The following ABCA10 variants were observed in gnomAD, a reference collection of about 807,000 sequenced individuals.
ABCA10 encodes the protein ATP binding cassette subfamily A member 10.
Under a neutral mutation model 187.5 loss-of-function variants are expected in ABCA10, and 169 were observed. The observed-to-expected ratio is 0.90, with a 90% CI of 0.80 to 1.02. The LOEUF is 1.02. Among genes scored for constraint, ABCA10 ranks in the 50% least tolerant of loss-of-function variants. ABCA10 has a pLI of 0.00. For synonymous variants in ABCA10, 574 were observed against 601.8 expected (o/e 0.95, Z 0.68); for missense variants, 1,727 against 1,812.4 (o/e 0.95, Z 0.86).
chr17:69,155,396 T>A (rs1385160271), intron 29 of ABCA10, among the ~76,000 whole-genome samples: 2 of 152,230 alleles, frequency 1.3e-5, no homozygotes, highest in Non-Finnish European at 2.9e-5. Flanking sequence ...CTTTCAACAA[T>A]TTCATTCCCA....
chr17:69,197,150 TA>T (rs1363681763), intron 10 of ABCA10, 28 bp from the exon 11 acceptor site: 2 of 1,514,198 alleles, frequency 1.3e-6, no homozygotes, highest in Non-Finnish European at 1.8e-6. Flanking sequence ...AATTTTCATG[TA>T]AATGCATTTT....
chr17:69,182,598 T>A, intron 21 of ABCA10, 77 bp downstream of exon 21: 2 of 1,399,146 alleles, frequency 1.4e-6, no homozygotes, highest in Non-Finnish European at 1.9e-6. Context: ...TTAAGTTTCC[T>A]ATAGTTCTAA....
chr17:69,211,263 C>T (rs1261312155), intron 9 of ABCA10, among the ~76,000 whole-genome samples: 2 of 143,448 alleles, frequency 1.4e-5, no homozygotes, highest in Non-Finnish European at 3.0e-5. Context: ...TTTTTAATGG[C>T]TGAGTAGTAT....
chr17:69,201,931 TGCCACCAC>T (rs2074549658), intron 9 of ABCA10, among the ~76,000 whole-genome samples: 1 of 152,136 alleles, frequency 6.6e-6, no homozygotes, highest in Non-Finnish European at 1.5e-5. Flanking sequence ...TACAGGCACC[TGCCACCAC>T]GCCCGGCTAA....
At chr17:69,224,691 A>C (rs1464704452) in intron 3 of ABCA10, among the ~76,000 whole-genome samples, 1 of 131,898 alleles carries the variant, frequency 7.6e-6, no homozygotes, top group South Asian at 2.1e-4. Flanking sequence ...CTTATGGGAA[A>C]AAAAAAAAAA....
At position 69,185,476 on chromosome 17, in the gene ABCA10, C is replaced by T; in HGVS notation, c.2497+1G>A. ...CACTAAATTTCAGCCCCATTTCTCACCTGTATTATTAACGATTAACAGGCT... is the reference window on the plus strand; with the variant it reads ...CACTAAATTTCAGCCCCATTTCTCATCTGTATTATTAACGATTAACAGGCT... On this transcript the variant is annotated splice_donor_variant, in intron 20 of 38. Transcript: ENST00000690296. LOFTEE classifies it high-confidence loss of function. 6.2e-7 allele frequency: 1 copy of T among 1,610,264 alleles called. No individual in the cohort carries two copies. Among genetic ancestry groups the T allele is most frequent in the Admixed American group, 1.7e-5 (1 of 59,568 alleles).
At chr17:69,161,068 A>G (rs1005778896) in intron 27 of ABCA10, among the ~76,000 whole-genome samples, 1 of 152,222 alleles carries the variant, frequency 6.6e-6, no homozygotes, top group Non-Finnish European at 1.5e-5. Flanking sequence ...AATATTATTC[A>G]ACCTTAAAAA....
chr17:69,156,030 T>A (rs1223708900), intron 28 of ABCA10, 105 bp from the exon 29 acceptor site: 1 of 1,287,640 alleles, frequency 7.8e-7, no homozygotes, highest in Non-Finnish European at 1.0e-6. Context: ...AAAAAGACTA[T>A]CACATCATTA....
In ABCA10 at chr17:69,149,055, AGG is replaced by A; in HGVS notation, c.4509_4510del (p.Gln1506GlyfsTer12). 1 of 1,613,430 alleles carries A rather than the reference AGG, an allele frequency of 6.2e-7. No homozygotes were observed. Among genetic ancestry groups the A allele is most frequent in the South Asian group, 1.1e-5 (1 of 91,054 alleles). ...CACCTGCTCCAAGGTAGCCTGAGAG[AGG>A]CTGTATTCCTCCAGGTTGAAGGTCT... is the stretch of plus-strand genomic sequence containing the variant. On this transcript the variant is annotated frameshift_variant, in exon 38 of 39. Transcript: ENST00000690296. LOFTEE classifies it low-confidence loss of function (END_TRUNC).
rs781139717 is a variant in ABCA10 at position 69,193,658 on chromosome 17, AAGG to A, written c.1522-49_1522-47del. The A allele has an allele frequency of 7.7e-6, 12 of 1,561,774 alleles. No homozygotes were observed. The Admixed American group carries it at 1.6e-4, about 20-fold the overall frequency. On this transcript the variant is annotated intron_variant, in intron 13 of 38. Coordinates refer to ENST00000690296, the MANE Select transcript of ABCA10 (RefSeq NM_001377321.1). ...TTAACAATATCAAATATTTTACTTT[AAGG>A]AGTTTTTACTCTCTAAAAATGAAAA...
chr17:69,162,803 T>TTGCATATA (rs1334649798), intron 27 of ABCA10, among the ~76,000 whole-genome samples: 1,209 of 47,960 alleles, frequency 0.025, 15 homozygotes, highest in African/African-American at 0.091. Context: ...GTTGAAAAAA[T>TTGCATATA]TACATATATA....
At chr17:69,243,929 A>C (rs1052374971) in intron 1 of ABCA10, among the ~76,000 whole-genome samples, 2 of 152,134 alleles carry the variant, frequency 1.3e-5, no homozygotes, top group African/African-American at 2.4e-5. Flanking sequence ...TGATGCTTGA[A>C]ATTCTTGAGA....
At chr17:69,229,333 C>A (rs967213193), upstream of ABCA10, among the ~76,000 whole-genome samples, 33 of 151,920 alleles carry the variant, frequency 2.2e-4, no homozygotes, top group African/African-American at 8.0e-4. Flanking sequence ...ACTCCAAGAT[C>A]CCTCACTCTT....
Position 69,165,117 on chromosome 17 carries a change from C to T in ABCA10, c.3163-34G>A, listed in dbSNP as rs1598091138. 3.4e-6 allele frequency: 5 copies of T among 1,468,230 alleles called. No individual in the cohort carries two copies. In the East Asian group the frequency reaches 9.3e-5, roughly 27 times the overall value. 91.0% of individuals were successfully genotyped at this position (1,468,230 alleles called of 1,614,324 possible). ...AAATCCAGAAGTATTATAATTTTCT[C>T]AGTTATATTTGATATCTTAAGATAT... On this transcript the variant is annotated intron_variant, in intron 25 of 38. Transcript: ENST00000690296.
At chr17:69,187,288 C>T (rs1433863744) in intron 19 of ABCA10, among the ~76,000 whole-genome samples, 1 of 152,092 alleles carries the variant, frequency 6.6e-6, no homozygotes, top group African/African-American at 2.4e-5. Context: ...ACAAGGGATA[C>T]ATGAGGAGGC....
At chr17:69,201,123 C>T (rs1012197130) in intron 10 of ABCA10, among the ~76,000 whole-genome samples, 1 of 152,150 alleles carries the variant, frequency 6.6e-6, no homozygotes, top group Non-Finnish European at 1.5e-5. Context: ...AAATTTCAGT[C>T]CCTATACTCC....
intron 18 of ABCA10, 76 bp from the exon 19 acceptor site, chr17:69,187,955 T>G (rs1326967342): frequency 5.1e-6 from 7 of 1,375,954 alleles, no homozygotes; most frequent in African/African-American, 1.5e-5. Flanking sequence ...AAAATGATGT[T>G]AGACTATTTG....
At chr17:69,182,651 A>C (rs923019874) in intron 21 of ABCA10, 24 bp downstream of exon 21, 5 of 1,546,968 alleles carry the variant, frequency 3.2e-6, no homozygotes, top group East Asian at 4.5e-5. Flanking sequence ...ACCAAAAAAA[A>C]ACAGTGCATA....
At chr17:69,192,522 T>C in intron 16 of ABCA10, 41 bp downstream of exon 16, 1 of 1,513,650 alleles carries the variant, frequency 6.6e-7, no homozygotes, top group Non-Finnish European at 9.1e-7. Context: ...ACCCTCATAT[T>C]AATATGCTCA....
Sources: allele counts gnomAD v4.1 joint callset (sites outside exome capture counted in the v4.1 genomes callset), GRCh38; gene constraint gnomAD v4.1.1; transcripts MANE v1.5; gene names NCBI Gene and HGNC (gene_info 2026-07-23, HGNC 2026-07-21).